Variants in C5orf63 observed in about 807,000 individuals in gnomAD.
C5orf63 encodes chromosome 5 open reading frame 63.
Under a neutral mutation model 13.3 loss-of-function variants are expected in C5orf63, and 18 were observed. That is an observed-to-expected ratio of 1.36 (90% CI 0.94 to 2.01). The LOEUF (loss-of-function observed/expected upper bound fraction) is 2.01, where lower values mean the gene tolerates loss of function less well. Ranked by LOEUF, C5orf63 falls within the 30% of genes most tolerant of loss-of-function variation. C5orf63 has a pLI of 0.00. For synonymous variants in C5orf63, 38 were observed against 44.7 expected (o/e 0.85, Z 0.60); for missense variants, 118 against 127.7 (o/e 0.92, Z 0.36).
intron 2 of C5orf63, among the ~76,000 whole-genome samples, chr5:127,060,729 C>T (rs1455462992): frequency 6.6e-6 from 1 of 152,188 alleles, no homozygotes; most frequent in Non-Finnish European, 1.5e-5. Flanking sequence ...TGCTTTACTT[C>T]TGCATGAAAA....
exon 5 of C5orf63, chr5:127,046,271 C>T (rs1753518926): frequency 6.6e-6 from 1 of 152,266 alleles, no homozygotes; most frequent in Non-Finnish European, 1.5e-5. Flanking sequence ...TATCAGAATT[C>T]ACCCAGTAGT....
downstream of C5orf63, chr5:127,044,167 A>G (rs1418691714): frequency 1.3e-5 from 2 of 152,182 alleles, no homozygotes; most frequent in Non-Finnish European, 2.9e-5. Flanking sequence ...GGCCTACAGT[A>G]TTTCTAAGGA....
chr5:127,058,374 CTATTT>C (rs1349872860), intron 3 of C5orf63, among the ~76,000 whole-genome samples: 4 of 152,180 alleles, frequency 2.6e-5, no homozygotes, highest in Non-Finnish European at 4.4e-5. Context: ...ATTATTTCAT[CTATTT>C]TATGGCTGCA....
chr5:127,063,344 A>T (rs1297316646), intron 2 of C5orf63, among the ~76,000 whole-genome samples: 1 of 152,228 alleles, frequency 6.6e-6, no homozygotes, highest in Non-Finnish European at 1.5e-5. Flanking sequence ...TACAGAAAGA[A>T]GCCAGGGTCG....
chr5:127,048,280 C>T (rs1172443285), downstream of C5orf63, among the ~76,000 whole-genome samples: 1 of 151,830 alleles, frequency 6.6e-6, no homozygotes, highest in Non-Finnish European at 1.5e-5. Flanking sequence ...CACACACACA[C>T]ACACACACAC....
chr5:127,050,233 T>A (rs1753627241), downstream of C5orf63, among the ~76,000 whole-genome samples: 1 of 152,178 alleles, frequency 6.6e-6, no homozygotes, highest in Non-Finnish European at 1.5e-5. Context: ...ATCACTGGGG[T>A]TATCCTAGAA....
intron 2 of C5orf63, among the ~76,000 whole-genome samples, chr5:127,062,800 A>G (rs1422269378): frequency 6.6e-6 from 1 of 152,140 alleles, no homozygotes; most frequent in Non-Finnish European, 1.5e-5. Context: ...ATCCTGAAAC[A>G]TGGTCTCTGC....
At chr5:127,058,074 G>A (rs1351353565) in intron 3 of C5orf63, among the ~76,000 whole-genome samples, 5 of 151,906 alleles carry the variant, frequency 3.3e-5, no homozygotes, top group Non-Finnish European at 5.9e-5. Flanking sequence ...TTTTAGGTTC[G>A]GGGGTACATG....
Position 127,058,916 on chromosome 5 carries a change from T to C in C5orf63, c.80A>G (p.Lys27Arg). 6.5e-7 allele frequency: 1 copy of C among 1,537,040 alleles called. No homozygotes were observed. Among genetic ancestry groups the C allele is most frequent in the Non-Finnish European group, 8.7e-7 (1 of 1,146,650 alleles). ...TAAGGTCAACACAGGCAGAGTTGTC[T>C]TAGAGGCAGAGCAATTTCTCAAGAA... ...GLFLRNCSAS[K>R]TTLPVLTLFT... Residue 27 changes from lysine to arginine, a missense_variant, in exon 3 of 5, where the codon AAG becomes AGG. By Grantham distance (26) the Lys-to-Arg change is conservative. Transcript: ENST00000296662.
downstream of C5orf63, chr5:127,047,618 G>A (rs1297202395): frequency 1.5e-6 from 1 of 669,224 alleles, no homozygotes; most frequent in Non-Finnish European, 2.7e-6. Flanking sequence ...GATACCTTCA[G>A]AAAGCATCTT....
chr5:127,051,966 A>T lies in C5orf63; in HGVS notation c.172-19T>A. ...AAATGAACTGAAACAGAGACAGACT[A>T]AAGCTCTGTATTTTAGACCATGGGG... On this transcript the variant is annotated intron_variant, in intron 4 of 4. Coordinates refer to ENST00000296662, the MANE Select transcript of C5orf63 (RefSeq NM_001164478.2). 1 of 1,467,526 alleles carries T rather than the reference A, an allele frequency of 6.8e-7. No individual in the cohort carries two copies. The highest frequency in any genetic ancestry group is 9.0e-7 in the Non-Finnish European group (1 of 1,112,248). 90.9% of individuals were successfully genotyped at this position (1,467,526 alleles called of 1,614,324 possible).
downstream of C5orf63, chr5:127,051,220 A>G (rs1025722368): frequency 2.1e-5 from 19 of 899,510 alleles, no homozygotes; most frequent in Non-Finnish European, 2.6e-5. Flanking sequence ...TGGCTAGGAT[A>G]ATAATTCTCT....
chr5:127,058,875 T>G lies in C5orf63; in HGVS notation c.114+7A>C. 1 of 1,514,700 alleles carries G rather than the reference T, an allele frequency of 6.6e-7. No individual in the cohort carries two copies. Among genetic ancestry groups the G allele is most frequent in the Non-Finnish European group, 8.9e-7 (1 of 1,127,642 alleles). The allele number at this position is 1,514,700 out of a possible 1,614,324, so 93.8% of individuals were successfully genotyped here. The stretch of plus-strand genomic sequence containing the variant: ...TCACCCAACAATTTTACTTTTTCAC[T>G]TTGTACCTTTGTGAATAAGGTCAAC... On this transcript the variant is annotated splice_region_variant and intron_variant, in intron 3 of 4. Transcript: ENST00000296662.
chr5:127,044,366 C>T (rs1379708072), downstream of C5orf63: 1 of 152,016 alleles, frequency 6.6e-6, no homozygotes, highest in African/African-American at 2.4e-5. Context: ...TTCCCCTTTC[C>T]CTGAAGCTTT....
chr5:127,065,064 C>T (rs181060958), intron 2 of C5orf63, among the ~76,000 whole-genome samples: 2 of 152,222 alleles, frequency 1.3e-5, no homozygotes, highest in Admixed American at 1.3e-4. Flanking sequence ...GACTAATCAA[C>T]TCCACATGTT....
At chr5:127,042,585 A>C (rs1179690177), downstream of C5orf63, 1 of 152,006 alleles carries the variant, frequency 6.6e-6, no homozygotes, top group African/African-American at 2.4e-5. Flanking sequence ...AAAAATATTT[A>C]TTTCCAAATT....
intron 2 of C5orf63, among the ~76,000 whole-genome samples, chr5:127,068,809 AAAC>A: frequency 6.6e-6 from 1 of 152,204 alleles, no homozygotes; most frequent in Non-Finnish European, 1.5e-5. Context: ...AAGAGTTTCC[AAAC>A]ACTCAGCTAA....
downstream of C5orf63, chr5:127,046,408 A>T (rs1580520675): frequency 6.6e-6 from 1 of 152,430 alleles, no homozygotes; most frequent in East Asian, 1.9e-4. Flanking sequence ...ATCTCCTGAT[A>T]TCTCTTTCTG....
At chr5:127,065,572 T>A (rs185592463) in intron 2 of C5orf63, among the ~76,000 whole-genome samples, 21 of 152,314 alleles carry the variant, frequency 1.4e-4, no homozygotes, top group Non-Finnish European at 2.1e-4. Flanking sequence ...AGACTTCTGC[T>A]GAATAATAGT....
Sources: allele counts gnomAD v4.1 joint callset (sites outside exome capture counted in the v4.1 genomes callset), GRCh38; gene constraint gnomAD v4.1.1; transcripts MANE v1.5; gene names NCBI Gene and HGNC (gene_info 2026-07-23, HGNC 2026-07-21).